USP12: variants seen among roughly 807,000 people sequenced by gnomAD.
The protein encoded by USP12 is ubiquitin specific peptidase 12.
A neutral mutation model predicts 45.5 loss-of-function variants in USP12; 19 were observed. That is an observed-to-expected ratio of 0.42 (90% CI 0.29 to 0.61). USP12 has a LOEUF of 0.61. USP12 is among the 20% of genes least tolerant of loss of function. The probability of loss-of-function intolerance (pLI) is 0.22; values close to 1 mark genes in which losing one functional copy is unlikely to be tolerated. For missense variants in USP12, 242 were observed against 447.7 expected (o/e 0.54, Z 4.15); for synonymous variants, 149 against 148.8 (o/e 1.00, Z -0.01).
intron 1 of USP12, among the ~76,000 whole-genome samples, chr13:27,162,368 A>G (rs972026024): frequency 2.0e-5 from 3 of 152,238 alleles, no homozygotes; most frequent in Admixed American, 6.5e-5. Context: ...TTTTGTCTCA[A>G]CCATCAAACC....
chr13:27,069,388 T>C lies in USP12; in HGVS notation c.1012-4A>G. The C allele has an allele frequency of 1.2e-6, 2 of 1,607,008 alleles. No individual in the cohort carries two copies. Among genetic ancestry groups the C allele is most frequent in the Non-Finnish European group, 1.7e-6 (2 of 1,173,774 alleles). On this transcript the variant is annotated splice_polypyrimidine_tract_variant and splice_region_variant and intron_variant, in intron 8 of 8. Coordinates refer to ENST00000282344, the MANE Select transcript of USP12 (RefSeq NM_182488.4). ...CAATAGCTTGTGCATCTATTTTCTG[T>C]GAGGTAAAATGTAAACATTAGTACA...
chr13:27,074,031 C>T (rs17085172), intron 7 of USP12, among the ~76,000 whole-genome samples: 1,546 of 152,244 alleles, frequency 0.01, 27 homozygotes, highest in African/African-American at 0.031. Context: ...AAAGACGGGA[C>T]CCAAGGCTGA....
At chr13:27,078,544 C>G (rs747198520) in intron 6 of USP12, among the ~76,000 whole-genome samples, 1 of 151,446 alleles carries the variant, frequency 6.6e-6, no homozygotes, top group Non-Finnish European at 1.5e-5. Flanking sequence ...TAATTTAAAA[C>G]TATTCAAAAA....
intron 1 of USP12, among the ~76,000 whole-genome samples, chr13:27,164,532 T>C (rs370583352): frequency 5.3e-5 from 8 of 152,334 alleles, no homozygotes; most frequent in Middle Eastern, 3.4e-3. Context: ...TTTCTTATAG[T>C]TTACACTATC....
chr13:27,153,565 A>G (rs1877681955), intron 1 of USP12, among the ~76,000 whole-genome samples: 1 of 152,186 alleles, frequency 6.6e-6, no homozygotes, highest in Admixed American at 6.5e-5. Context: ...TAATCGGTAC[A>G]TTAGAGTTAC....
At chr13:27,166,531 G>A (rs1362905793) in intron 1 of USP12, among the ~76,000 whole-genome samples, 1 of 152,188 alleles carries the variant, frequency 6.6e-6, no homozygotes, top group Non-Finnish European at 1.5e-5. Flanking sequence ...ATGGATCATG[G>A]TAGGGCAGAT....
chr13:27,168,129 C>G (rs1878429555), intron 1 of USP12, among the ~76,000 whole-genome samples: 2 of 152,156 alleles, frequency 1.3e-5, no homozygotes, highest in South Asian at 2.1e-4. Context: ...CCTACCTTTA[C>G]CAGCTTTGGC....
At chr13:27,121,073 G>A (rs1047957306) in intron 1 of USP12, among the ~76,000 whole-genome samples, 4 of 152,078 alleles carry the variant, frequency 2.6e-5, no homozygotes, top group Non-Finnish European at 4.4e-5. Context: ...AGACAGGGAG[G>A]ACAACAGGAG....
At chr13:27,161,372 T>G (rs916461111) in intron 1 of USP12, among the ~76,000 whole-genome samples, 1 of 152,202 alleles carries the variant, frequency 6.6e-6, no homozygotes, top group Admixed American at 6.5e-5. Context: ...AACAAAAGCC[T>G]TGTATTTTAT....
rs1245556346 is a variant in USP12 at position 27,069,346 on chromosome 13, C to T, written c.1050G>A (p.Leu350=). The change falls in exon 9 of 9, where the codon TTG becomes TTA. Residue 350 remains leucine (L), a synonymous_variant. Transcript: ENST00000282344. ...CAGAGTTCTTTGAGATATCTGATGTCAACCCGTAGAATTCTTCAATAGCTT... is the reference window on the plus strand; with the variant it reads ...CAGAGTTCTTTGAGATATCTGATGTTAACCCGTAGAATTCTTCAATAGCTT... The part of the protein sequence containing the change: ...DAQAIEEFYG[L]TSDISKNSES... 1.9e-6 allele frequency: 3 copies of T among 1,612,866 alleles called. No individual in the cohort carries two copies. Among genetic ancestry groups the T allele is most frequent in the African/African-American group, 1.3e-5 (1 of 74,890 alleles).
chr13:27,099,181 T>C (rs1304508174), intron 3 of USP12, among the ~76,000 whole-genome samples: 2 of 152,214 alleles, frequency 1.3e-5, no homozygotes, highest in African/African-American at 4.8e-5. Context: ...GAAGACGAGA[T>C]TGAGGAGCTG....
chr13:27,162,754 G>A, intron 1 of USP12: 1 of 152,126 alleles, frequency 6.6e-6, no homozygotes. Context: ...AAGTAAGTTT[G>A]AACCATTTGG....
chr13:27,076,416 TAATG>T (rs1441300386), intron 6 of USP12, among the ~76,000 whole-genome samples: 3 of 152,228 alleles, frequency 2.0e-5, no homozygotes, highest in East Asian at 1.9e-4. Context: ...ATTCTTCTTT[TAATG>T]GCTCAGCTCA....
At chr13:27,138,612 C>T (rs556591721) in intron 1 of USP12, among the ~76,000 whole-genome samples, 2 of 152,242 alleles carry the variant, frequency 1.3e-5, no homozygotes, top group Non-Finnish European at 2.9e-5. Context: ...GACTTTGCTG[C>T]GGGAAAGCCT....
intron 1 of USP12, among the ~76,000 whole-genome samples, chr13:27,124,649 C>T (rs902161077): frequency 1.3e-5 from 2 of 152,114 alleles, no homozygotes; most frequent in African/African-American, 2.4e-5. Context: ...GGGAAAAGCA[C>T]GTGACCTGGT....
rs765987177 is a variant in USP12, at chr13:27,103,797, GA to G, written c.343+1933del. 4.9e-5 allele frequency among the ~76,000 whole-genome samples: 7 copies of G among 142,340 alleles called. No individual in the cohort carries two copies. The East Asian group carries it at 1.2e-3, about 25-fold the overall frequency. 93.4% of individuals were successfully genotyped at this position (142,340 alleles called of 152,430 possible). A position where few individuals can be genotyped will look rare whatever the true frequency, so the allele number is the denominator to read the frequency against. ...ACAGAGAGAGAAAGAGATGAAAAAAGAAAAAAAGCCCATTTGGAAAAAATAA... is the reference window on the plus strand; with the variant it reads ...ACAGAGAGAGAAAGAGATGAAAAAAGAAAAAAGCCCATTTGGAAAAAATAA... On this transcript the variant is annotated intron_variant, in intron 3 of 8. Transcript: ENST00000282344.
chr13:27,100,889 G>A (rs1351074405), intron 3 of USP12, among the ~76,000 whole-genome samples: 1 of 152,222 alleles, frequency 6.6e-6, no homozygotes, highest in African/African-American at 2.4e-5. Context: ...ATTCCCTACA[G>A]CGGCTAACTA....
intron 4 of USP12, 77 bp downstream of exon 4, chr13:27,095,524 A>G: frequency 9.3e-7 from 1 of 1,070,436 alleles, no homozygotes; most frequent in Middle Eastern, 2.4e-4. Context: ...TTCATCTTCC[A>G]TTCTGTCTTT....
At chr13:27,093,952 C>T (rs1016031142) in intron 4 of USP12, among the ~76,000 whole-genome samples, 1 of 152,128 alleles carries the variant, frequency 6.6e-6, no homozygotes, top group Non-Finnish European at 1.5e-5. Flanking sequence ...TATATGATTT[C>T]AACTACACAA....
Sources: gnomAD v4.1 joint callset for allele counts (sites outside exome capture counted in the v4.1 genomes callset) on GRCh38, gnomAD v4.1.1 for gene constraint, MANE v1.5 for transcripts, NCBI Gene and HGNC (gene_info 2026-07-23, HGNC 2026-07-21) for gene names.